SGCZ: variants seen among roughly 807,000 people sequenced by gnomAD.
SGCZ encodes the protein sarcoglycan zeta.
In SGCZ, 40 loss-of-function variants were observed where a neutral mutation model predicts 41.3. The ratio of observed to expected loss-of-function variants is 0.97; its 90% CI spans 0.75 to 1.26. The LOEUF (loss-of-function observed/expected upper bound fraction) is 1.26. Among genes scored for constraint, SGCZ ranks in the 50% most tolerant of loss-of-function variants. The probability of loss-of-function intolerance (pLI) is 0.00; values close to 1 mark genes in which losing one functional copy is unlikely to be tolerated. For synonymous variants in SGCZ, 206 were observed against 137.5 expected (o/e 1.50, Z -3.49); for missense variants, 552 against 369.8 (o/e 1.49, Z -4.04).
At chr8:14,867,761 T>G (rs1803987652) in intron 1 of SGCZ, among the ~76,000 whole-genome samples, 2 of 151,972 alleles carry the variant, frequency 1.3e-5, no homozygotes, top group Admixed American at 6.6e-5. Context: ...TGGGGCCTCT[T>G]GGAGGGTGGA....
intron 1 of SGCZ, among the ~76,000 whole-genome samples, chr8:15,118,811 C>T (rs1338333053): frequency 6.6e-6 from 1 of 152,130 alleles, no homozygotes; most frequent in Non-Finnish European, 1.5e-5. Flanking sequence ...GATAGCCCTG[C>T]AGATCAGCTC....
chr8:14,611,198 T>A (rs1344025485), intron 1 of SGCZ, among the ~76,000 whole-genome samples: 1 of 152,182 alleles, frequency 6.6e-6, no homozygotes, highest in East Asian at 1.9e-4. Flanking sequence ...TTGCTCTTCC[T>A]CAACACTGAG....
At chr8:14,390,460 A>C (rs971626561) in intron 2 of SGCZ, among the ~76,000 whole-genome samples, 3 of 151,972 alleles carry the variant, frequency 2.0e-5, no homozygotes, top group African/African-American at 7.2e-5. Context: ...ATTTGCATAT[A>C]TATGTAGATA....
At chr8:14,248,576 C>A (rs1019571916) in intron 3 of SGCZ, among the ~76,000 whole-genome samples, 2 of 151,694 alleles carry the variant, frequency 1.3e-5, no homozygotes, top group East Asian at 3.9e-4. Flanking sequence ...TAAAGGACAT[C>A]ATATTTAAAT....
intron 2 of SGCZ, among the ~76,000 whole-genome samples, chr8:14,404,152 T>C (rs191526650): frequency 3.7e-4 from 56 of 152,286 alleles, no homozygotes; most frequent in Non-Finnish European, 7.6e-4. Context: ...TTTTAAATTT[T>C]ACTCTCATAA....
At chr8:14,936,966 C>G (rs2130813981) in intron 1 of SGCZ, among the ~76,000 whole-genome samples, 1 of 151,528 alleles carries the variant, frequency 6.6e-6, no homozygotes, top group South Asian at 2.1e-4. Flanking sequence ...TTAAAAAACA[C>G]AATATTTCAA....
At chr8:14,388,235 G>C (rs1171336049) in intron 2 of SGCZ, among the ~76,000 whole-genome samples, 18 of 152,098 alleles carry the variant, frequency 1.2e-4, no homozygotes, top group African/African-American at 2.4e-5. Flanking sequence ...AGGACAAAAA[G>C]AGATCAAAGA....
chr8:14,636,887 A>T (rs1303447055), intron 1 of SGCZ, among the ~76,000 whole-genome samples: 2 of 151,870 alleles, frequency 1.3e-5, no homozygotes, highest in African/African-American at 4.8e-5. Context: ...ACTGATGGAA[A>T]TGTTTTATTA....
chr8:15,055,276 G>A (rs990584670), intron 1 of SGCZ, among the ~76,000 whole-genome samples: 3 of 152,102 alleles, frequency 2.0e-5, no homozygotes, highest in African/African-American at 7.2e-5. Context: ...TAGATATTAT[G>A]CTCAAAATAA....
At chr8:14,728,311 G>T (rs1200823480) in intron 1 of SGCZ, among the ~76,000 whole-genome samples, 1 of 108,996 alleles carries the variant, frequency 9.2e-6, no homozygotes, top group Non-Finnish European at 1.9e-5. Flanking sequence ...AAGGAAGAAA[G>T]AAAACTAAAG....
intron 1 of SGCZ, among the ~76,000 whole-genome samples, chr8:15,170,691 T>G (rs1207985842): frequency 6.6e-6 from 1 of 152,236 alleles, no homozygotes; most frequent in African/African-American, 2.4e-5. Context: ...AAGTGTTTTA[T>G]GCAGAATAGT....
At chr8:14,536,389 TACA>T (rs1403121703) in intron 2 of SGCZ, among the ~76,000 whole-genome samples, 13 of 151,858 alleles carry the variant, frequency 8.6e-5, no homozygotes, top group Admixed American at 7.2e-4. Context: ...ACTGTAAACA[TACA>T]ACATTACAAA....
chr8:14,824,549 G>A (rs1308932503), intron 1 of SGCZ, among the ~76,000 whole-genome samples: 1 of 151,810 alleles, frequency 6.6e-6, no homozygotes, highest in South Asian at 2.1e-4. Context: ...CTCATGCCCT[G>A]GCTTCCATAA....
chr8:14,408,136 T>C lies in SGCZ; in HGVS notation c.235-83932A>G, dbSNP rs547093170. Among the ~76,000 whole-genome samples the C allele has an allele frequency of 3.3e-5, 5 of 152,204 alleles. No homozygotes were observed. The South Asian group carries it at 1.0e-3, about 32-fold the overall frequency. On this transcript the variant is annotated intron_variant, in intron 2 of 7. Transcript: ENST00000382080. Reference sequence around the variant, plus strand: ...CAATAGCATGTGTAGGGCAGAGTAGTAGAAATTAAAAGAAAAATTATGATG... The same window carrying C: ...CAATAGCATGTGTAGGGCAGAGTAGCAGAAATTAAAAGAAAAATTATGATG...
intron 1 of SGCZ, among the ~76,000 whole-genome samples, chr8:15,069,637 A>T (rs1805279860): frequency 6.6e-6 from 1 of 152,190 alleles, no homozygotes; most frequent in South Asian, 2.1e-4. Flanking sequence ...TAAAAGCACT[A>T]TCTTACTTTT....
chr8:14,956,968 C>G (rs1800812829), intron 1 of SGCZ, among the ~76,000 whole-genome samples: 2 of 151,712 alleles, frequency 1.3e-5, no homozygotes, highest in Admixed American at 1.3e-4. Flanking sequence ...CAGACAGAAA[C>G]ACACACACAC....
intron 5 of SGCZ, among the ~76,000 whole-genome samples, chr8:14,146,890 A>AAAAAAAAAAAAAAAATAATAATAATAAT (rs1182329393): frequency 4.3e-5 from 5 of 116,162 alleles, no homozygotes; most frequent in African/African-American, 1.8e-4. Context: ...AAAATAAAAA[A>AAAAAAAAAAAAAAAATAATAATAATAAT]AATAATAATA....
At chr8:14,265,536 T>C (rs1231165486) in intron 3 of SGCZ, among the ~76,000 whole-genome samples, 2 of 152,168 alleles carry the variant, frequency 1.3e-5, no homozygotes, top group Non-Finnish European at 2.9e-5. Context: ...TAGCTCTGTT[T>C]AGAAACAGCT....
intron 1 of SGCZ, among the ~76,000 whole-genome samples, chr8:15,138,454 G>A (rs1264304519): frequency 6.6e-6 from 1 of 152,146 alleles, no homozygotes; most frequent in East Asian, 2.0e-4. Context: ...TGGTTGGGCG[G>A]CACCCCCACT....
Sources: gnomAD v4.1 joint callset for allele counts (sites outside exome capture counted in the v4.1 genomes callset) on GRCh38, gnomAD v4.1.1 for gene constraint, MANE v1.5 for transcripts, NCBI Gene and HGNC (gene_info 2026-07-23, HGNC 2026-07-21) for gene names.